Variants in RTEL1 observed in about 807,000 individuals in gnomAD.
RTEL1 encodes regulator of telomere length.
In RTEL1, 86 loss-of-function variants were observed where a neutral mutation model predicts 162.2. The ratio of observed to expected loss-of-function variants is 0.53; its 90% CI spans 0.45 to 0.63. The LOEUF is 0.63. Among genes scored for constraint, RTEL1 ranks in the 30% least tolerant of loss-of-function variants. RTEL1 has a pLI of 0.00. For synonymous variants in RTEL1, 958 were observed against 717.9 expected (o/e 1.33, Z -5.35); for missense variants, 1,941 against 1,750.2 (o/e 1.11, Z -1.95).
chr20:63,664,790 T>C (rs1376127182), intron 6 of RTEL1, among the ~76,000 whole-genome samples: 4 of 152,152 alleles, frequency 2.6e-5, no homozygotes, highest in African/African-American at 2.4e-5. Flanking sequence ...TTTGGGCGAA[T>C]GAGGAGACAG....
At chr20:63,690,491 G>A (rs763538893) in intron 26 of RTEL1, 50 bp downstream of exon 26, 13 of 1,377,012 alleles carry the variant, frequency 9.4e-6, no homozygotes, top group East Asian at 7.2e-5. Context: ...CGGAGCGGGC[G>A]GCGTGGGGCG....
chr20:63,659,293 C>T lies in RTEL1; in HGVS notation c.-110C>T. 3 of 735,808 alleles carry T rather than the reference C, an allele frequency of 4.1e-6. No homozygotes were observed. The East Asian group carries it at 7.8e-5, about 19-fold the overall frequency. 45.6% of individuals were successfully genotyped at this position (735,808 alleles called of 1,614,324 possible). On this transcript the variant is annotated 5_prime_UTR_variant, in exon 2 of 35. Transcript: ENST00000360203. ...TGTGTCCCAGTGCACATGCTCGCATCGCTTACCAGGAGTGCCCGAGACCCT... is the reference window on the plus strand; with the variant it reads ...TGTGTCCCAGTGCACATGCTCGCATTGCTTACCAGGAGTGCCCGAGACCCT...
chr20:63,689,180 G>A (rs756171432), intron 22 of RTEL1, 48 bp downstream of exon 22: 2 of 1,566,632 alleles, frequency 1.3e-6, no homozygotes, highest in East Asian at 2.2e-5. Context: ...CTGTTCCCTG[G>A]TGGGTGCTTA....
chr20:63,657,888 G>C (rs1035483978), upstream of RTEL1: 11 of 152,402 alleles, frequency 7.2e-5, no homozygotes, highest in African/African-American at 2.7e-4. Context: ...ACAGTGAGCC[G>C]AGCAGAAGCT....
At chr20:63,690,495 T>TGGGGGGGGGTTGGGGGGGGGGG in intron 26 of RTEL1, 54 bp downstream of exon 26, 1 of 594,926 alleles carries the variant, frequency 1.7e-6, no homozygotes, top group Non-Finnish European at 2.7e-6. Context: ...GCGGGCGGCG[T>TGGGGGGGGGTTGGGGGGGGGGG]GGGGCGGGCA....
At chr20:63,671,639 G>A (rs1028863808) in intron 8 of RTEL1, among the ~76,000 whole-genome samples, 13 of 145,480 alleles carry the variant, frequency 8.9e-5, no homozygotes, top group East Asian at 6.1e-4. Flanking sequence ...CCGCCACCAC[G>A]CCTGGCTAAT....
At chr20:63,686,311 C>G (rs1056793145) in intron 16 of RTEL1, 1 of 213,374 alleles carries the variant, frequency 4.7e-6, no homozygotes, top group Non-Finnish European at 9.6e-6. Flanking sequence ...CGCTCAGCCC[C>G]GAGGCCCCAC....
chr20:63,677,087 C>A (rs981231705), intron 10 of RTEL1, among the ~76,000 whole-genome samples: 1 of 112,628 alleles, frequency 8.9e-6, no homozygotes, highest in African/African-American at 3.7e-5. Flanking sequence ...CTGACCCCGG[C>A]GGTTGTGGCC....
intron 30 of RTEL1, 154 bp from the exon 31 acceptor site, chr20:63,694,218 A>T: frequency 1.5e-6 from 1 of 667,940 alleles, no homozygotes; most frequent in Non-Finnish European, 2.7e-6. Context: ...GTCTCCTCTG[A>T]TGCCCCCAGC....
intron 28 of RTEL1, chr20:63,692,276 C>A: frequency 4.4e-6 from 1 of 226,194 alleles, no homozygotes; most frequent in Non-Finnish European, 8.9e-6. Flanking sequence ...CTGGGTGGTG[C>A]CCAGGCAGGG....
Position 63,688,395 on chromosome 20 carries a change from C to A in RTEL1, c.1722+9C>A. On this transcript the variant is annotated intron_variant, in intron 20 of 34. Transcript: ENST00000360203. ...GCCTGGAGTTCTGGCGGGTGCGTCT[C>A]CCCTGTGTTCTGGGCGGGGTGGGTG... 6.2e-7 allele frequency: 1 copy of A among 1,612,328 alleles called. No individual in the cohort carries two copies. Among genetic ancestry groups the A allele is most frequent in the South Asian group, 1.1e-5 (1 of 91,044 alleles).
intron 7 of RTEL1, among the ~76,000 whole-genome samples, chr20:63,667,058 C>T (rs1200002784): frequency 6.6e-6 from 1 of 151,880 alleles, no homozygotes; most frequent in African/African-American, 2.4e-5. Flanking sequence ...CCAGGATGGT[C>T]TCGATCTTCT....
Position 63,665,873 on chromosome 20 carries a change from G to A in RTEL1, c.539-131G>A, listed in dbSNP as rs891757700. On this transcript the variant is annotated intron_variant, in intron 6 of 34. Coordinates refer to ENST00000360203, the MANE Select transcript of RTEL1 (RefSeq NM_001283009.2). ...AGACCCTCAGTGGGTGCTTTGTGGC[G>A]CGTTCACGGTTGGTGGGGGACGCCC... The A allele has an allele frequency of 4.9e-5, 35 of 715,908 alleles. No homozygotes were observed. In the East Asian group the frequency reaches 7.3e-4, roughly 15 times the overall value. 44.3% of individuals were successfully genotyped at this position (715,908 alleles called of 1,614,324 possible).
chr20:63,681,777 A>G (rs2090482477), intron 14 of RTEL1: 1 of 985,168 alleles, frequency 1.0e-6, no homozygotes, highest in South Asian at 4.7e-5. Context: ...GTGGCCAGTG[A>G]CGCCACAGCC....
At position 63,662,606 on chromosome 20, in the gene RTEL1, A is replaced by G. The variant is rs373428530; in HGVS notation, c.456A>G (p.Lys152=). The G allele has an allele frequency of 6.2e-6, 10 of 1,613,958 alleles. No homozygotes were observed. Among genetic ancestry groups the G allele is most frequent in the Non-Finnish European group, 2.5e-6 (3 of 1,179,998 alleles). ...TGTGCATCCATCCTGAGGTGAAGAA[A>G]CAAGAGAGTAACCATCTACAGGTAG... ...EQLCIHPEVK[K]QESNHLQIHL... Residue 152 remains lysine, a synonymous_variant, in exon 5 of 35, where the codon AAA becomes AAG. Coordinates refer to ENST00000360203, the MANE Select transcript of RTEL1 (RefSeq NM_001283009.2).
At chr20:63,691,694 A>T (rs2090748812) in intron 27 of RTEL1, 48 bp from the exon 28 acceptor site, 4 of 1,493,060 alleles carry the variant, frequency 2.7e-6, no homozygotes, top group South Asian at 2.3e-5. Flanking sequence ...GGGACCCCAG[A>T]GTGTGTGGTT....
intron 4 of RTEL1, 82 bp from the exon 5 acceptor site, chr20:63,662,464 C>T: frequency 6.3e-7 from 1 of 1,589,768 alleles, no homozygotes; most frequent in South Asian, 1.1e-5. Flanking sequence ...TCCTGCGTGT[C>T]TCCATACAGC....
At chr20:63,686,004 G>A (rs1395064931) in intron 16 of RTEL1, 132 bp downstream of exon 16, 24 of 787,596 alleles carry the variant, frequency 3.0e-5, no homozygotes, top group Non-Finnish European at 5.1e-5. Flanking sequence ...CCATATCCAG[G>A]CCAATCCAGA....
intron 8 of RTEL1, among the ~76,000 whole-genome samples, chr20:63,667,919 G>A (rs1011918937): frequency 4.9e-4 from 74 of 151,136 alleles, no homozygotes; most frequent in African/African-American, 1.6e-3. Flanking sequence ...TCTTCCCAGC[G>A]CGTGCCCGGC....
Sources: gnomAD v4.1 joint callset for allele counts (sites outside exome capture counted in the v4.1 genomes callset) on GRCh38, gnomAD v4.1.1 for gene constraint, MANE v1.5 for transcripts, NCBI Gene and HGNC (gene_info 2026-07-23, HGNC 2026-07-21) for gene names.